Variants in CES1 observed in about 807,000 individuals in gnomAD.
The protein encoded by CES1 is liver carboxylesterase 1.
CES1 carries 50 observed loss-of-function variants against 53.0 expected under a neutral mutation model. The ratio of observed to expected loss-of-function variants is 0.94; its 90% CI spans 0.75 to 1.19. The LOEUF (loss-of-function observed/expected upper bound fraction) is 1.19. Among genes scored for constraint, CES1 ranks in the 50% most tolerant of loss-of-function variants. The pLI, the probability that CES1 is intolerant of heterozygous loss-of-function variation, is 0.00. For synonymous variants in CES1, 202 were observed against 210.1 expected (o/e 0.96, Z 0.33); for missense variants, 534 against 538.0 (o/e 0.99, Z 0.07).
chr16:55,823,109 T>G (rs1333122124), intron 4 of CES1, among the ~76,000 whole-genome samples: 15 of 152,014 alleles, frequency 9.9e-5, no homozygotes. Flanking sequence ...CCCCATTCCT[T>G]CACCCACAAC....
At position 55,826,221 on chromosome 16, in the gene CES1, T is replaced by C. The variant is rs1285321072; in HGVS notation, c.335A>G (p.Lys112Arg). ...FTNRKENIPL[K>R]LSEDCLYLNI... ...GAGGTAAAGACAGTCTTCAGAAAGC[T>C]TGAGAGGAATGTTCTCCTTTCGGTT... The change falls in exon 3 of 14, where the codon AAG becomes AGG. Residue 112 changes from lysine to arginine, a missense_variant. By Grantham distance (26) the Lys-to-Arg change is conservative. This residue lies in a region of CES1 where 164 missense variants were observed against 162.4 expected (regional missense o/e 1.01). Coordinates refer to ENST00000360526, the MANE Select transcript of CES1 (RefSeq NM_001025195.2). 1.2e-6 allele frequency: 2 copies of C among 1,613,852 alleles called. No homozygotes were observed. The highest frequency in any genetic ancestry group is 2.7e-5 in the African/African-American group (2 of 74,902).
intron 8 of CES1, 82 bp downstream of exon 8, chr16:55,816,842 G>T: frequency 6.8e-7 from 1 of 1,468,346 alleles, no homozygotes; most frequent in South Asian, 1.1e-5. Context: ...TTACCCAAGA[G>T]ATGATTCTTT....
intron 2 of CES1, 79 bp from the exon 3 acceptor site, chr16:55,826,374 G>A (rs2032420243): frequency 1.3e-6 from 2 of 1,544,770 alleles, no homozygotes; most frequent in Admixed American, 1.7e-5. Flanking sequence ...CCTTGGACTG[G>A]GAGGTTTAAG....
chr16:55,821,640 T>C (rs1405400598), intron 4 of CES1, 119 bp from the exon 5 acceptor site: 2 of 1,075,504 alleles, frequency 1.9e-6, no homozygotes, highest in African/African-American at 1.6e-5. Context: ...GGCTTCAGCA[T>C]CTCTGAGACC....
intron 2 of CES1, among the ~76,000 whole-genome samples, chr16:55,827,207 GC>G (rs1454222593): frequency 1.3e-5 from 2 of 151,726 alleles, no homozygotes; most frequent in Non-Finnish European, 2.9e-5. Flanking sequence ...CAGAATCAGA[GC>G]CAGCAAAGAT....
At chr16:55,832,446 A>C (rs556698613) in intron 1 of CES1, among the ~76,000 whole-genome samples, 1 of 152,300 alleles carries the variant, frequency 6.6e-6, no homozygotes, top group South Asian at 2.1e-4. Flanking sequence ...TGCTTTCTAC[A>C]TACCAGGCGC....
chr16:55,824,275 A>G (rs1190224343), intron 3 of CES1, among the ~76,000 whole-genome samples: 1 of 152,294 alleles, frequency 6.6e-6, no homozygotes, highest in Non-Finnish European at 1.5e-5. Context: ...ATGGACTAAC[A>G]CTGTCGAGAA....
At position 55,817,384 on chromosome 16, in the gene CES1, G is replaced by C. The variant is rs8192944; in HGVS notation, c.907-422C>G. ...GCCATGCCTGAAGCCATCAACTCCT[G>C]AGATTTTCAGTTTACACGACGATGC... On this transcript the variant is annotated intron_variant, in intron 7 of 13. Transcript: ENST00000360526. Among the ~76,000 whole-genome samples the C allele has an allele frequency of 1.1e-3, 162 of 152,254 alleles. 1 individual carries two copies. The East Asian group carries it at 0.029, about 28-fold the overall frequency.
intron 7 of CES1, among the ~76,000 whole-genome samples, chr16:55,817,827 T>G (rs1400578314): frequency 6.6e-6 from 1 of 152,064 alleles, no homozygotes; most frequent in Non-Finnish European, 1.5e-5. Flanking sequence ...ATCATGGAGG[T>G]GCTTCCACAA....
chr16:55,821,912 A>G (rs187025727), intron 4 of CES1, among the ~76,000 whole-genome samples: 69 of 152,324 alleles, frequency 4.5e-4, no homozygotes, highest in African/African-American at 1.6e-3. Context: ...AAAAAACAGG[A>G]GTGGGACAGG....
At position 55,822,439 on chromosome 16, in the gene CES1, C is replaced by T. The variant is rs766147245; in HGVS notation, c.540-918G>A. On this transcript the variant is annotated intron_variant, in intron 4 of 13. Coordinates refer to ENST00000360526, the MANE Select transcript of CES1 (RefSeq NM_001025195.2). ...GAAAAGAGACAGTCCGGGCTGTCCA[C>T]AAGGCCTTCTCCTGAGCCCAAGGGA... is the stretch of plus-strand genomic sequence containing the variant. 5.9e-5 allele frequency among the ~76,000 whole-genome samples: 9 copies of T among 152,314 alleles called. No homozygotes were observed. In the South Asian group the frequency reaches 1.2e-3, roughly 21 times the overall value.
At chr16:55,810,436 C>G in intron 11 of CES1, 81 bp downstream of exon 11, 1 of 1,568,212 alleles carries the variant, frequency 6.4e-7, no homozygotes, top group African/African-American at 1.4e-5. Context: ...GTTTCCATGT[C>G]TGTCTATGCT....
chr16:55,829,009 G>A (rs773269801), intron 1 of CES1, 35 bp from the exon 2 acceptor site: 3 of 1,567,424 alleles, frequency 1.9e-6, no homozygotes, highest in African/African-American at 2.7e-5. Context: ...TGCATCAGAG[G>A]CAAAAGGCTG....
rs369754762 is a variant in CES1 at position 55,816,879 on chromosome 16, G to A, written c.945+45C>T. Reference sequence around the variant, plus strand: ...ACTCACAGTTAATTGGAGCTTAAAGGTGCTAAGACTCAAAACCCGTAATCC... The same window carrying A: ...ACTCACAGTTAATTGGAGCTTAAAGATGCTAAGACTCAAAACCCGTAATCC... On this transcript the variant is annotated intron_variant, in intron 8 of 13. Transcript: ENST00000360526. The A allele has an allele frequency of 2.0e-5, 32 of 1,583,724 alleles. No individual in the cohort carries two copies. In the African/African-American group the frequency reaches 3.5e-4, roughly 17 times the overall value.
chr16:55,820,868 T>C (rs2032154513), intron 5 of CES1, among the ~76,000 whole-genome samples: 2 of 152,258 alleles, frequency 1.3e-5, no homozygotes, highest in Middle Eastern at 3.4e-3. Flanking sequence ...TTCTTGGGCA[T>C]GGACAAGCCA....
At chr16:55,816,816 G>C (rs531280875) in intron 8 of CES1, 108 bp downstream of exon 8, 4 of 1,319,760 alleles carry the variant, frequency 3.0e-6, no homozygotes, top group South Asian at 1.2e-5. Context: ...AAACAAACAC[G>C]CAGGAGTTAC....
chr16:55,817,328 C>G (rs1379489273), intron 7 of CES1, among the ~76,000 whole-genome samples: 1 of 152,186 alleles, frequency 6.6e-6, no homozygotes, highest in East Asian at 1.9e-4. Context: ...ATGGTAGATT[C>G]TCAATAATAT....
intron 2 of CES1, among the ~76,000 whole-genome samples, chr16:55,826,750 T>G (rs1221660092): frequency 6.6e-6 from 1 of 152,084 alleles, no homozygotes; most frequent in Non-Finnish European, 1.5e-5. Flanking sequence ...GTGAGCGGAG[T>G]GATTTCTACA....
chr16:55,830,090 C>T (rs28558555), intron 1 of CES1, among the ~76,000 whole-genome samples: 3,252 of 152,232 alleles, frequency 0.021, 117 homozygotes, highest in African/African-American at 0.075. Flanking sequence ...ACAGACAAGA[C>T]GTCAACACCT....
Sources: allele counts gnomAD v4.1 joint callset (sites outside exome capture counted in the v4.1 genomes callset), GRCh38; gene constraint gnomAD v4.1.1; regional missense constraint gnomAD v4.1.1; transcripts MANE v1.5; gene names NCBI Gene and HGNC (gene_info 2026-07-23, HGNC 2026-07-21).